The following C13orf42 variants were observed in gnomAD, a reference collection of about 807,000 sequenced individuals.
C13orf42 encodes the protein uncharacterized protein C13orf42.
chr13:51,085,866 T>C (rs534767666), intron 2 of C13orf42, among the ~76,000 whole-genome samples: 3 of 152,114 alleles, frequency 2.0e-5, no homozygotes, highest in Admixed American at 6.5e-5. Context: ...CTGGCCAACA[T>C]GGTGAAACCC....
intron 2 of C13orf42, among the ~76,000 whole-genome samples, chr13:51,087,359 A>C (rs924316010): frequency 2.0e-5 from 3 of 152,206 alleles, no homozygotes; most frequent in Non-Finnish European, 2.9e-5. Context: ...GTATGGTCAG[A>C]AGCTGGATTC....
At chr13:51,088,111 G>C in intron 1 of C13orf42, 36 bp from the exon 2 acceptor site, 1 of 398,660 alleles carries the variant, frequency 2.5e-6, no homozygotes, top group Non-Finnish European at 4.4e-6. Context: ...AGAGTTGCCT[G>C]AGCCAGTAAG....
intron 1 of C13orf42, among the ~76,000 whole-genome samples, chr13:51,137,309 C>T (rs1046404051): frequency 3.9e-5 from 6 of 152,186 alleles, no homozygotes; most frequent in African/African-American, 1.4e-4. Flanking sequence ...CTCTGCACAG[C>T]CTCGGAGATG....
intron 1 of C13orf42, among the ~76,000 whole-genome samples, chr13:51,105,679 C>A (rs1191110251): frequency 3.4e-4 from 51 of 152,184 alleles, no homozygotes; most frequent in Admixed American, 3.3e-3. Flanking sequence ...GCTGAATTAG[C>A]TTCTATGATC....
At chr13:51,154,475 C>T (rs575590004) in intron 1 of C13orf42, among the ~76,000 whole-genome samples, 1 of 152,284 alleles carries the variant, frequency 6.6e-6, no homozygotes, top group Non-Finnish European at 1.5e-5. Flanking sequence ...GCGTATGAAT[C>T]ACAGTGTCGG....
At chr13:51,119,096 C>T (rs896358186) in intron 1 of C13orf42, among the ~76,000 whole-genome samples, 9 of 152,004 alleles carry the variant, frequency 5.9e-5, no homozygotes, top group African/African-American at 2.2e-4. Flanking sequence ...GTATGGCATG[C>T]CCTGGTGTAT....
intron 1 of C13orf42, among the ~76,000 whole-genome samples, chr13:51,106,854 C>A (rs1355658663): frequency 1.3e-5 from 2 of 152,212 alleles, no homozygotes; most frequent in African/African-American, 4.8e-5. Flanking sequence ...CCTTTTAGCA[C>A]CTAAACAATG....
chr13:51,099,327 T>G (rs1009821702), intron 1 of C13orf42, among the ~76,000 whole-genome samples: 2 of 152,102 alleles, frequency 1.3e-5, no homozygotes, highest in African/African-American at 4.8e-5. Flanking sequence ...ATCACTGAAA[T>G]TTAAATACAT....
At chr13:51,120,375 C>G (rs542294108) in intron 1 of C13orf42, among the ~76,000 whole-genome samples, 1 of 152,228 alleles carries the variant, frequency 6.6e-6, no homozygotes, top group East Asian at 1.9e-4. Flanking sequence ...TCACTGGAAG[C>G]GGGTATCCTT....
intron 1 of C13orf42, among the ~76,000 whole-genome samples, chr13:51,161,394 T>C (rs560618793): frequency 6.6e-6 from 1 of 152,040 alleles, no homozygotes; most frequent in Non-Finnish European, 1.5e-5. Flanking sequence ...TTACCCACCC[T>C]GGAGAAACTG....
At chr13:51,107,119 A>T (rs560942481) in intron 1 of C13orf42, among the ~76,000 whole-genome samples, 89 of 152,216 alleles carry the variant, frequency 5.8e-4, no homozygotes, top group Admixed American at 1.9e-3. Flanking sequence ...CCTCCCATCG[A>T]CCCACATGGG....
At chr13:51,114,645 TAGAG>T (rs750768864), upstream of C13orf42, among the ~76,000 whole-genome samples, 2 of 120,456 alleles carry the variant, frequency 1.7e-5, no homozygotes, top group South Asian at 5.8e-4. Flanking sequence ...GATAGATAGA[TAGAG>T]ATAGACAGAC....
At chr13:51,149,349 TG>T (rs1305142439) in intron 1 of C13orf42, among the ~76,000 whole-genome samples, 4 of 150,666 alleles carry the variant, frequency 2.7e-5, no homozygotes, top group African/African-American at 9.7e-5. Context: ...ATCTGGTTTC[TG>T]TATCTTCCTT....
At chr13:51,110,190 ATG>A (rs1953411775) in intron 1 of C13orf42, among the ~76,000 whole-genome samples, 1 of 152,220 alleles carries the variant, frequency 6.6e-6, no homozygotes, top group Non-Finnish European at 1.5e-5. Context: ...ACATCTAGTC[ATG>A]TGATGATTTC....
rs1196500836 is a variant in C13orf42, at chr13:51,083,043, G to A, written c.*1108C>T. ...CATCCTTGGCTTAATTCAAATGATT[G>A]TGGTTTTCTTTGTTTTGTTTTGTTT... is the stretch of plus-strand genomic sequence containing the variant. On this transcript the variant is annotated 3_prime_UTR_variant, in exon 4 of 4. Transcript: ENST00000563710. 6.6e-6 allele frequency: 1 copy of A among 152,202 alleles called. No individual in the cohort carries two copies. The highest frequency in any genetic ancestry group is 1.9e-4 in the East Asian group (1 of 5,200). 9.4% of individuals were successfully genotyped at this position (152,202 alleles called of 1,614,324 possible). A position where few individuals can be genotyped will look rare whatever the true frequency, so the allele number is the denominator to read the frequency against.
In C13orf42 at chr13:51,153,630, C is replaced by CTTTTTTTTTTTTTTTTT. The variant is rs1206289963; in HGVS notation, n.136+18606_136+18622dup. Reference sequence around the variant, plus strand: ...CATTTTCTTGCTTTCTGTTTTTTTTCTTTTTTTTTTTTTTTTTTTTTTTTT... The same window carrying CTTTTTTTTTTTTTTTTT: ...CATTTTCTTGCTTTCTGTTTTTTTTCTTTTTTTTTTTTTTTTTTTTTTTTTTTTTTTTTTTTTTTTTT... On this transcript the variant is annotated intron_variant and non_coding_transcript_variant, in intron 1 of 4. Transcript: ENST00000433280. Among the ~76,000 whole-genome samples the CTTTTTTTTTTTTTTTTT allele has an allele frequency of 6.2e-4, 50 of 81,250 alleles. 1 individual carries two copies. Among genetic ancestry groups the CTTTTTTTTTTTTTTTTT allele is most frequent in the Non-Finnish European group, 8.9e-4 (37 of 41,578 alleles). The allele number at this position is 81,250 out of a possible 152,430, so 53.3% of individuals were successfully genotyped here.
At chr13:51,136,884 T>C (rs905739633) in intron 1 of C13orf42, among the ~76,000 whole-genome samples, 11 of 152,226 alleles carry the variant, frequency 7.2e-5, no homozygotes, top group African/African-American at 2.7e-4. Context: ...AATATAGCTG[T>C]GAGCAAGGCT....
chr13:51,162,047 G>T, intron 1 of C13orf42: 1 of 351,072 alleles, frequency 2.8e-6, no homozygotes, highest in South Asian at 2.8e-5. Flanking sequence ...AGTACAACAT[G>T]CTGCAGCATC....
At chr13:51,120,363 T>TGTC (rs1339915588) in intron 1 of C13orf42, among the ~76,000 whole-genome samples, 1 of 152,172 alleles carries the variant, frequency 6.6e-6, no homozygotes, top group East Asian at 1.9e-4. Context: ...GCAGAAGCTG[T>TGTC]GTCACTGGAA....
Sources: allele counts gnomAD v4.1 joint callset (sites outside exome capture counted in the v4.1 genomes callset), GRCh38; gene constraint gnomAD v4.1.1; transcripts MANE v1.5; gene names NCBI Gene and HGNC (gene_info 2026-07-23, HGNC 2026-07-21).